SORBS2: variants seen among roughly 807,000 people sequenced by gnomAD.
The protein encoded by SORBS2 is sorbin and SH3 domain containing 2, also known as sorbin and SH3 domain-containing protein 2.
Under a neutral mutation model 97.7 loss-of-function variants are expected in SORBS2, and 46 were observed. That is an observed-to-expected ratio of 0.47 (90% confidence interval 0.37 to 0.60). The LOEUF is 0.60. Among genes scored for constraint, SORBS2 ranks in the 20% least tolerant of loss-of-function variants. The pLI is 0.00. For missense variants in SORBS2, 1,316 were observed against 1,282.3 expected, an observed-to-expected ratio of 1.03 and a Z score of -0.40; for synonymous variants, 476 against 473.4, an observed-to-expected ratio of 1.01 and a Z score of -0.07.
chr4:185,894,097 C>T (rs2099243855), intron 1 of SORBS2, among the ~76,000 whole-genome samples: 1 of 152,008 alleles, frequency 6.6e-6, no homozygotes, highest in Non-Finnish European at 1.5e-5. Flanking sequence ...ATACCGATCT[C>T]GAAATATGCC....
intron 1 of SORBS2, among the ~76,000 whole-genome samples, chr4:185,930,364 G>A (rs537542035): frequency 1.3e-4 from 19 of 151,898 alleles, no homozygotes; most frequent in Non-Finnish European, 1.9e-4. Context: ...GTGCGATCTC[G>A]GCTCACTGCA....
chr4:185,827,335 AT>A lies in SORBS2; in HGVS notation c.-337-51970del, dbSNP rs1399413276. 1.3e-3 allele frequency among the ~76,000 whole-genome samples: 27 copies of A among 21,034 alleles called. 1 individual carries two copies. Among genetic ancestry groups the A allele is most frequent in the African/African-American group, 4.9e-3 (25 of 5,114 alleles). 13.8% of individuals were successfully genotyped at this position (21,034 alleles called of 152,430 possible). ...CACCATCATCACCATCATCATCATCATCATCATCATCATCATCATCATCATC... is the reference window on the plus strand; with the variant it reads ...CACCATCATCACCATCATCATCATCACATCATCATCATCATCATCATCATC... On this transcript the variant is annotated intron_variant, in intron 1 of 20. Coordinates refer to the SORBS2 transcript ENST00000284776.
At chr4:185,775,882 A>C (rs2098997617) in intron 1 of SORBS2, 1 of 152,190 alleles carries the variant, frequency 6.6e-6, no homozygotes, top group Non-Finnish European at 1.5e-5. Flanking sequence ...CTAAATTTCC[A>C]GTTTCATCAA....
chr4:185,916,312 A>G (rs914873832), intron 1 of SORBS2, among the ~76,000 whole-genome samples: 1 of 152,218 alleles, frequency 6.6e-6, no homozygotes, highest in African/African-American at 2.4e-5. Flanking sequence ...AAACTATTGT[A>G]TGGATATGGC....
At chr4:185,616,059 C>T (rs188379427) in intron 9 of SORBS2, among the ~76,000 whole-genome samples, 19 of 152,218 alleles carry the variant, frequency 1.2e-4, no homozygotes, top group Admixed American at 9.8e-4. Context: ...GGATGGAGGG[C>T]GATTAATTTG....
At chr4:185,764,275 G>A (rs905724592) in intron 2 of SORBS2, among the ~76,000 whole-genome samples, 7 of 152,078 alleles carry the variant, frequency 4.6e-5, no homozygotes, top group Non-Finnish European at 8.8e-5. Flanking sequence ...TTCTCAACCT[G>A]TTGACCCAAA....
chr4:185,741,981 T>C (rs767424798), intron 2 of SORBS2, among the ~76,000 whole-genome samples: 1 of 152,210 alleles, frequency 6.6e-6, no homozygotes, highest in Non-Finnish European at 1.5e-5. Context: ...ATACAGCTGC[T>C]GGTCCTGCCA....
chr4:185,700,520 A>G (rs574359252), intron 2 of SORBS2, among the ~76,000 whole-genome samples: 2 of 152,296 alleles, frequency 1.3e-5, no homozygotes, highest in Non-Finnish European at 2.9e-5. Flanking sequence ...GCTCTTAAAT[A>G]TACCAAATTT....
intron 1 of SORBS2, among the ~76,000 whole-genome samples, chr4:185,841,908 G>A (rs1318352137): frequency 6.6e-6 from 1 of 152,134 alleles, no homozygotes; most frequent in Non-Finnish European, 1.5e-5. Context: ...CCAGGTTTCT[G>A]GCTTAGGTGA....
intron 2 of SORBS2, chr4:185,690,606 GT>G: frequency 2.7e-6 from 4 of 1,464,176 alleles, no homozygotes; most frequent in Non-Finnish European, 3.7e-6. Context: ...AAAGTCTTCA[GT>G]TTTCCTGTAG....
chr4:185,658,035 A>G (rs576241282), upstream of SORBS2, among the ~76,000 whole-genome samples: 2 of 152,186 alleles, frequency 1.3e-5, no homozygotes, highest in Non-Finnish European at 2.9e-5. Context: ...TGATACTGCT[A>G]CTACTATTAT....
intron 1 of SORBS2, chr4:185,918,027 T>G (rs972292616): frequency 3.3e-5 from 5 of 152,176 alleles, no homozygotes; most frequent in Non-Finnish European, 7.3e-5. Flanking sequence ...AATGTGATGT[T>G]CCGGGAAAGC....
intron 4 of SORBS2, chr4:185,676,958 G>C (rs374470639): frequency 6.6e-7 from 1 of 1,509,998 alleles, no homozygotes; most frequent in Non-Finnish European, 9.0e-7. Context: ...TCTACGATAC[G>C]CATGTATTAA....
intron 1 of SORBS2, among the ~76,000 whole-genome samples, chr4:185,889,025 CG>C (rs951970897): frequency 4.6e-5 from 7 of 152,208 alleles, no homozygotes; most frequent in Non-Finnish European, 1.0e-4. Context: ...GTGAGGCGAT[CG>C]GGGCTGAGTG....
At chr4:185,650,168 C>A (rs1296375160) in intron 2 of SORBS2, among the ~76,000 whole-genome samples, 1 of 152,034 alleles carries the variant, frequency 6.6e-6, no homozygotes, top group Non-Finnish European at 1.5e-5. Flanking sequence ...AACATGAGTC[C>A]TCAATATGCT....
At chr4:185,786,512 A>C (rs1373935229) in intron 1 of SORBS2, among the ~76,000 whole-genome samples, 1 of 152,238 alleles carries the variant, frequency 6.6e-6, no homozygotes, top group East Asian at 1.9e-4. Flanking sequence ...TAATTGAAGA[A>C]GTATCCCTCT....
rs568592101 is a variant in SORBS2 at position 185,735,994 on chromosome 4, G to T, written c.-198+39233C>A. Reference sequence around the variant, plus strand: ...TTATATCAATAACACACAAGGCAGGGCCTGTGATATTTCCCATTTGTGGAT... The same window carrying T: ...TTATATCAATAACACACAAGGCAGGTCCTGTGATATTTCCCATTTGTGGAT... On this transcript the variant is annotated intron_variant, in intron 2 of 20. Coordinates refer to the SORBS2 transcript ENST00000284776. Among the ~76,000 whole-genome samples, 3 of 152,330 alleles carry T rather than the reference G, an allele frequency of 2.0e-5. No individual in the cohort carries two copies. The East Asian group carries it at 5.8e-4, about 29-fold the overall frequency.
At chr4:185,950,121 A>G (rs991636886) in intron 1 of SORBS2, among the ~76,000 whole-genome samples, 6 of 152,240 alleles carry the variant, frequency 3.9e-5, no homozygotes, top group African/African-American at 1.4e-4. Context: ...GCATGGTGAC[A>G]GGCACCTGTA....
intron 1 of SORBS2, among the ~76,000 whole-genome samples, chr4:185,796,364 C>T (rs1014686653): frequency 6.6e-6 from 1 of 152,260 alleles, no homozygotes; most frequent in African/African-American, 2.4e-5. Flanking sequence ...ATTTTACTCA[C>T]TATCTCTCCA....
Sources: allele counts gnomAD v4.1 joint callset (sites outside exome capture counted in the v4.1 genomes callset), GRCh38; gene constraint gnomAD v4.1.1; transcripts MANE v1.5; gene names NCBI Gene and HGNC (gene_info 2026-07-23, HGNC 2026-07-21).